The following MAF variants were observed in gnomAD, a reference collection of about 807,000 sequenced individuals.
MAF encodes MAF bZIP transcription factor, also known as transcription factor Maf.
In MAF, 10 loss-of-function variants were observed where a neutral mutation model predicts 22.0. The observed-to-expected ratio is 0.45, with a 90% CI of 0.28 to 0.77. The LOEUF is 0.77. Ranked by LOEUF, MAF falls within the 30% of genes least tolerant of loss-of-function variation. MAF has a pLI of 0.12. For synonymous variants in MAF, 337 were observed against 255.8 expected (o/e 1.32, Z -3.03); for missense variants, 544 against 548.4 (o/e 0.99, Z 0.08).
At chr16:79,305,020 A>C in the MAF span, among the ~76,000 whole-genome samples, 1 of 152,222 alleles carries the variant, frequency 6.6e-6, no homozygotes, top group African/African-American at 2.4e-5. Flanking sequence ...CAATGTGGAC[A>C]ATGAAGGTTC....
chr16:79,521,861 T>C, the MAF span, among the ~76,000 whole-genome samples: 1 of 152,202 alleles, frequency 6.6e-6, no homozygotes, highest in Non-Finnish European at 1.5e-5. Context: ...CTCACAATCC[T>C]ATGTAATAAA....
At chr16:79,533,158 A>G in the MAF span, among the ~76,000 whole-genome samples, 2 of 152,190 alleles carry the variant, frequency 1.3e-5, no homozygotes, top group African/African-American at 4.8e-5. Flanking sequence ...GATCAAGAAC[A>G]TTAGCCAAGA....
At chr16:79,445,826 G>GTATT in the MAF span, among the ~76,000 whole-genome samples, 1 of 152,198 alleles carries the variant, frequency 6.6e-6, no homozygotes, top group Non-Finnish European at 1.5e-5. Flanking sequence ...TGATTGTGGT[G>GTATT]TATTATAGAT....
At chr16:79,420,557 TC>T in the MAF span, among the ~76,000 whole-genome samples, 1 of 151,564 alleles carries the variant, frequency 6.6e-6, no homozygotes, top group Non-Finnish European at 1.5e-5. Flanking sequence ...CCCTACGGCC[TC>T]CCCCACTAAC....
chr16:79,271,809 G>T, the MAF span, among the ~76,000 whole-genome samples: 13 of 152,302 alleles, frequency 8.5e-5, no homozygotes, highest in East Asian at 2.5e-3. Flanking sequence ...TGGTATAAAA[G>T]GTACAATATG....
chr16:79,371,297 G>A, the MAF span, among the ~76,000 whole-genome samples: 1 of 152,066 alleles, frequency 6.6e-6, no homozygotes, highest in Non-Finnish European at 1.5e-5. Context: ...CCTCCCTTGA[G>A]GTCAGATTAG....
At chr16:79,249,160 C>T in the MAF span, among the ~76,000 whole-genome samples, 4 of 152,138 alleles carry the variant, frequency 2.6e-5, no homozygotes, top group Non-Finnish European at 5.9e-5. Context: ...TGGCTCACGC[C>T]TGTAATCCCA....
At chr16:79,300,156 A>C in the MAF span, among the ~76,000 whole-genome samples, 5 of 152,264 alleles carry the variant, frequency 3.3e-5, no homozygotes, top group Admixed American at 6.5e-5. Context: ...TGTTAGGCAT[A>C]ATGGCTAATG....
At chr16:79,379,530 CAA>C in the MAF span, among the ~76,000 whole-genome samples, 1 of 142,890 alleles carries the variant, frequency 7.0e-6, no homozygotes, top group Non-Finnish European at 1.5e-5. Context: ...CACACACACA[CAA>C]CTAGCGGGAA....
the MAF span, chr16:79,203,636 C>T: frequency 5.9e-5 from 9 of 151,948 alleles, no homozygotes; most frequent in Non-Finnish European, 1.2e-4. Flanking sequence ...TCCCTGCTCA[C>T]AAAACAGCCA....
At chr16:79,541,631 T>G in the MAF span, among the ~76,000 whole-genome samples, 1 of 151,670 alleles carries the variant, frequency 6.6e-6, no homozygotes, top group East Asian at 1.9e-4. Context: ...CCAGGGCCCT[T>G]GTTACCAGCT....
intron 1 of MAF, chr16:79,597,439 G>A (rs1023573991): frequency 5.0e-5 from 51 of 1,028,592 alleles, no homozygotes; most frequent in African/African-American, 8.5e-5. Context: ...ACTGCTTCTC[G>A]GCAATAGCAC....
the MAF span, among the ~76,000 whole-genome samples, chr16:79,438,245 G>A: frequency 2.0e-5 from 3 of 152,200 alleles, no homozygotes; most frequent in Non-Finnish European, 1.5e-5. Context: ...TGTGGTTCCT[G>A]CACTTGGCGT....
At chr16:79,546,219 C>T in the MAF span, among the ~76,000 whole-genome samples, 1 of 151,994 alleles carries the variant, frequency 6.6e-6, no homozygotes, top group Non-Finnish European at 1.5e-5. Flanking sequence ...TCTATGTCCA[C>T]CTTATAAAAT....
chr16:79,502,368 G>C, the MAF span, among the ~76,000 whole-genome samples: 366 of 152,250 alleles, frequency 2.4e-3, no homozygotes, highest in African/African-American at 8.2e-3. Context: ...GTGAAAAACA[G>C]ACTAAAGACT....
chr16:79,357,916 C>A, the MAF span, among the ~76,000 whole-genome samples: 71 of 152,328 alleles, frequency 4.7e-4, no homozygotes, highest in Admixed American at 2.8e-3. Flanking sequence ...CAGGGGCTAA[C>A]CTGATCCGGG....
the MAF span, among the ~76,000 whole-genome samples, chr16:79,497,198 T>A: frequency 6.6e-6 from 1 of 152,202 alleles, no homozygotes; most frequent in South Asian, 2.1e-4. Context: ...AAGGATTAAT[T>A]GACCTCTCCT....
At chr16:79,319,201 C>G in the MAF span, among the ~76,000 whole-genome samples, 13 of 152,146 alleles carry the variant, frequency 8.5e-5, no homozygotes, top group African/African-American at 3.1e-4. Context: ...GGGAGGTCCC[C>G]TTCTAATTCT....
the MAF span, among the ~76,000 whole-genome samples, chr16:79,558,287 A>G: frequency 1.3e-5 from 2 of 152,140 alleles, no homozygotes; most frequent in Non-Finnish European, 2.9e-5. Context: ...ATGAACTATA[A>G]AGAGAAAGAA....
Sources: allele counts gnomAD v4.1 joint callset (sites outside exome capture counted in the v4.1 genomes callset), GRCh38; gene constraint gnomAD v4.1.1; transcripts MANE v1.5; gene names NCBI Gene and HGNC (gene_info 2026-07-23, HGNC 2026-07-21).